Variants in ZSCAN9 observed in about 807,000 individuals in gnomAD.
ZSCAN9 encodes the protein zinc finger and SCAN domain containing 9, also known as zinc finger and SCAN domain-containing protein 9.
A neutral mutation model predicts 23.0 loss-of-function variants in ZSCAN9; 19 were observed. That is an observed-to-expected ratio of 0.83 (90% CI 0.58 to 1.21). ZSCAN9 has a LOEUF of 1.21. ZSCAN9 is among the 50% of genes most tolerant of loss of function. The probability of loss-of-function intolerance (pLI) is 0.00; values close to 1 mark genes in which losing one functional copy is unlikely to be tolerated. For synonymous variants in ZSCAN9, 155 were observed against 164.8 expected (o/e 0.94, Z 0.46); for missense variants, 467 against 471.5 (o/e 0.99, Z 0.09).
Position 28,227,189 on chromosome 6 carries a change from G to T in ZSCAN9, c.105G>T (p.Trp35Cys), listed in dbSNP as rs371755274. 56 of 1,614,048 alleles carry T rather than the reference G, an allele frequency of 3.5e-5. No homozygotes were observed. Among genetic ancestry groups the T allele is most frequent in the Non-Finnish European group, 4.6e-5 (54 of 1,180,036 alleles). Residue 35 changes from tryptophan (W) to cysteine (C), a missense_variant, in exon 2 of 4, where the codon TGG becomes TGT. Trp to Cys is a radical substitution (Grantham distance 215, BLOSUM62 -2). Transcript: ENST00000252207. ...TGGAAGCAAAAAGTCACCTTCAATG[G>T]CAGGAATCCAGACTGAAACGCAGTA... is the stretch of plus-strand genomic sequence containing the variant. ...MKVEAKSHLQ[W>C]QESRLKRSNP...
At chr6:28,230,158 A>C (rs1484464130) in intron 3 of ZSCAN9, among the ~76,000 whole-genome samples, 2 of 152,168 alleles carry the variant, frequency 1.3e-5, no homozygotes, top group Admixed American at 1.3e-4. Context: ...CGCCTGGCCC[A>C]TATTTTTCTA....
intron 3 of ZSCAN9, among the ~76,000 whole-genome samples, chr6:28,231,042 C>T (rs879236712): frequency 6.6e-6 from 1 of 152,090 alleles, no homozygotes. Flanking sequence ...GGATACATTC[C>T]AAGACCCCCA....
rs768331626 is a variant in ZSCAN9 at position 28,227,618 on chromosome 6, CTTCT to C, written c.421-66_421-63del. The C allele has an allele frequency of 7.5e-4, 1,176 of 1,577,276 alleles. 2 individuals carry two copies. The highest frequency in any genetic ancestry group is 1.5e-3 in the Middle Eastern group (9 of 5,910). On this transcript the variant is annotated intron_variant, in intron 2 of 3. Coordinates refer to ENST00000252207, the MANE Select transcript of ZSCAN9 (RefSeq NM_006299.5). ...TGATAAAATACTCTCTTCCTGTTTC[CTTCT>C]TTCTTGGAAGTGTTTATTTCAGACA...
In ZSCAN9 at chr6:28,232,932, G is replaced by A; in HGVS notation, c.939G>A (p.Lys313=). The change falls in exon 4 of 4, where the codon AAG becomes AAA. Residue 313 remains lysine (K), a synonymous_variant. Transcript: ENST00000252207. ...IHNIQKRYHC[K]ECGKVFSQSA... ...ATATACAGAAACGGTACCACTGCAA[G>A]GAGTGTGGGAAGGTCTTCAGTCAGA... 1.2e-6 allele frequency: 2 copies of A among 1,614,204 alleles called. No individual in the cohort carries two copies. The highest frequency in any genetic ancestry group is 1.7e-6 in the Non-Finnish European group (2 of 1,180,042).
intron 3 of ZSCAN9, chr6:28,230,508 A>T (rs1193061205): frequency 1.3e-6 from 2 of 1,534,512 alleles, no homozygotes; most frequent in African/African-American, 2.7e-5. Context: ...CTTGTATGTG[A>T]GAGACAGGAC....
chr6:28,229,489 GGAGAATATCCA>G (rs150702877), intron 3 of ZSCAN9, among the ~76,000 whole-genome samples: 5,071 of 152,208 alleles, frequency 0.033, 196 homozygotes, highest in African/African-American at 0.096. Flanking sequence ...TATGGCTGTA[GGAGAATATCCA>G]GAGGGCATCT....
chr6:28,226,867 A>T (rs868064507), intron 1 of ZSCAN9, 145 bp from the exon 2 acceptor site: 2 of 459,506 alleles, frequency 4.4e-6, no homozygotes, highest in African/African-American at 2.0e-5. Context: ...TTATGAATAT[A>T]TATATTTCCA....
intron 3 of ZSCAN9, chr6:28,229,252 T>C (rs1374251364): frequency 1.3e-5 from 2 of 152,232 alleles, no homozygotes; most frequent in African/African-American, 4.8e-5. Context: ...TTGCTTCTGA[T>C]ATCATTTTCC....
chr6:28,229,585 A>C (rs1191875314), intron 3 of ZSCAN9, among the ~76,000 whole-genome samples: 1 of 152,210 alleles, frequency 6.6e-6, no homozygotes, highest in African/African-American at 2.4e-5. Context: ...CAATATTATA[A>C]AACAACATAG....
At position 28,232,843 on chromosome 6, in the gene ZSCAN9, T is replaced by C; in HGVS notation, c.850T>C (p.Cys284Arg). 5.6e-6 allele frequency: 9 copies of C among 1,614,194 alleles called. No individual in the cohort carries two copies. Among genetic ancestry groups the C allele is most frequent in the Non-Finnish European group, 7.6e-6 (9 of 1,180,046 alleles). ...TCATACTGGAGAAAGACCTTATGAATGTAATGAATGTGGGAAAGCCTTCAG... is the reference window on the plus strand; with the variant it reads ...TCATACTGGAGAAAGACCTTATGAACGTAATGAATGTGGGAAAGCCTTCAG... ...RIHTGERPYE[C>R]NECGKAFSRS... is the part of the protein sequence containing the mutation. Residue 284 changes from cysteine (C) to arginine (R), a missense_variant, in exon 4 of 4, where the codon TGT (cysteine) becomes CGT (arginine). By Grantham distance (180) the Cys-to-Arg change is radical. Transcript: ENST00000252207.
At position 28,232,727 on chromosome 6, in the gene ZSCAN9, G is replaced by A. The variant is rs1258809575; in HGVS notation, c.734G>A (p.Trp245Ter). The stretch of plus-strand genomic sequence containing the variant: ...CATAAGGATAGGATAGAGAGGCAGT[G>A]GGGAAACCTCTTAGGAGAGGGGCAA... ...GEHKDRIERQ[W>*]GNLLGEGQHK... Residue 245 changes from tryptophan (W) to a stop codon, truncating the protein, a stop_gained, in exon 4 of 4, where the codon TGG becomes TAG. Coordinates refer to ENST00000252207, the MANE Select transcript of ZSCAN9 (RefSeq NM_006299.5). LOFTEE classifies it low-confidence loss of function (END_TRUNC). The A allele has an allele frequency of 1.2e-6, 2 of 1,614,180 alleles. No individual in the cohort carries two copies. The highest frequency in any genetic ancestry group is 1.7e-6 in the Non-Finnish European group (2 of 1,180,036).
chr6:28,229,143 A>G (rs1426972568), intron 3 of ZSCAN9: 1 of 152,204 alleles, frequency 6.6e-6, no homozygotes, highest in Non-Finnish European at 1.5e-5. Flanking sequence ...ATGGATTTCT[A>G]TTACATGGAA....
rs779127796 is a variant in ZSCAN9, at chr6:28,227,507, A to G, written c.420+3A>G. 2 of 1,580,814 alleles carry G rather than the reference A, an allele frequency of 1.3e-6. No individual in the cohort carries two copies. The highest frequency in any genetic ancestry group is 1.7e-6 in the Non-Finnish European group (2 of 1,166,700). On this transcript the variant is annotated splice_donor_region_variant and intron_variant, in intron 2 of 3. Coordinates refer to ENST00000252207, the MANE Select transcript of ZSCAN9 (RefSeq NM_006299.5). ...AGCTCGATGAACCACAACATGAGGT[A>G]GGAAGGGAGATTTGCTAGAGAAAAA... is the stretch of plus-strand genomic sequence containing the variant.
At chr6:28,231,281 A>G (rs1415163815) in intron 3 of ZSCAN9, among the ~76,000 whole-genome samples, 1 of 152,202 alleles carries the variant, frequency 6.6e-6, no homozygotes, top group Non-Finnish European at 1.5e-5. Context: ...AAGCACTGAG[A>G]CACTGCAACA....
intron 3 of ZSCAN9, chr6:28,228,226 G>C (rs141690774): frequency 1.7e-6 from 1 of 585,000 alleles, no homozygotes; most frequent in African/African-American, 1.9e-5. Context: ...ACAAAATGGG[G>C]TTGATAATAG....
chr6:28,232,312 C>T (rs756419703), intron 3 of ZSCAN9, among the ~76,000 whole-genome samples: 5 of 152,134 alleles, frequency 3.3e-5, no homozygotes, highest in Non-Finnish European at 5.9e-5. Flanking sequence ...GCCTGGGCTA[C>T]AGAGTGACAC....
chr6:28,228,106 A>G, intron 3 of ZSCAN9: 1 of 676,898 alleles, frequency 1.5e-6, no homozygotes, highest in Non-Finnish European at 2.6e-6. Context: ...GCACAGCTTC[A>G]GAGAATGGAC....
At chr6:28,229,622 A>G (rs1760229070) in intron 3 of ZSCAN9, among the ~76,000 whole-genome samples, 1 of 152,206 alleles carries the variant, frequency 6.6e-6, no homozygotes, top group South Asian at 2.1e-4. Context: ...GACCAAATTC[A>G]AGTTCCAGCT....
chr6:28,230,964 T>TG, intron 3 of ZSCAN9, among the ~76,000 whole-genome samples: 1 of 152,292 alleles, frequency 6.6e-6, no homozygotes. Flanking sequence ...GGTCTTATGA[T>TG]GGGAATGCAC....
Sources: allele counts gnomAD v4.1 joint callset (sites outside exome capture counted in the v4.1 genomes callset), GRCh38; gene constraint gnomAD v4.1.1; transcripts MANE v1.5; gene names NCBI Gene and HGNC (gene_info 2026-07-23, HGNC 2026-07-21).